The following FRMD6 variants were observed in gnomAD, a reference collection of about 807,000 sequenced individuals.
FRMD6 encodes the protein FERM domain-containing protein 6.
FRMD6 carries 37 observed loss-of-function variants against 73.2 expected under a neutral mutation model. The observed-to-expected ratio is 0.51, with a 90% CI of 0.39 to 0.66. The LOEUF (loss-of-function observed/expected upper bound fraction) is 0.66, where lower values mean the gene tolerates loss of function less well. Among genes scored for constraint, FRMD6 ranks in the 30% least tolerant of loss-of-function variants. The probability of loss-of-function intolerance (pLI) is 0.00; values close to 1 mark genes in which losing one functional copy is unlikely to be tolerated. For missense variants in FRMD6, 714 were observed against 780.5 expected, an observed-to-expected ratio of 0.91 and a Z score of 1.02; for synonymous variants, 273 against 282.2, an observed-to-expected ratio of 0.97 and a Z score of 0.33.
At chr14:51,453,453 A>G in the FRMD6 span, among the ~76,000 whole-genome samples, 70 of 152,206 alleles carry the variant, frequency 4.6e-4, no homozygotes, top group African/African-American at 1.6e-3. Flanking sequence ...AATGGTGGAC[A>G]TGAAGACACC....
At chr14:51,451,447 C>A in the FRMD6 span, among the ~76,000 whole-genome samples, 1 of 152,196 alleles carries the variant, frequency 6.6e-6, no homozygotes, top group Non-Finnish European at 1.5e-5. Context: ...GAAGTCAGCT[C>A]ACTGCAGCCT....
chr14:51,624,881 A>G (rs1891059760), intron 2 of FRMD6, among the ~76,000 whole-genome samples: 1 of 152,078 alleles, frequency 6.6e-6, no homozygotes, highest in Admixed American at 6.6e-5. Context: ...CCTGCTTAAA[A>G]CTCACTAAAA....
At chr14:51,404,736 C>T in the FRMD6 span, among the ~76,000 whole-genome samples, 1 of 152,168 alleles carries the variant, frequency 6.6e-6, no homozygotes, top group Non-Finnish European at 1.5e-5. Context: ...CTGACTCACA[C>T]TCCATTGTTT....
At chr14:51,418,075 G>C in the FRMD6 span, among the ~76,000 whole-genome samples, 5 of 152,204 alleles carry the variant, frequency 3.3e-5, no homozygotes, top group East Asian at 9.7e-4. Flanking sequence ...AAGGTTTTTA[G>C]CTTCCTTGTG....
chr14:51,420,767 CATTTT>C, the FRMD6 span, among the ~76,000 whole-genome samples: 1 of 151,838 alleles, frequency 6.6e-6, no homozygotes, highest in Non-Finnish European at 1.5e-5. Flanking sequence ...AATACGGTAC[CATTTT>C]ATTTTATTTT....
At chr14:51,578,280 A>C (rs915288831) in intron 2 of FRMD6, among the ~76,000 whole-genome samples, 5 of 152,210 alleles carry the variant, frequency 3.3e-5, no homozygotes, top group Admixed American at 3.3e-4. Context: ...CTTCCACTGA[A>C]ATATAAATAA....
chr14:51,409,397 C>G, the FRMD6 span, among the ~76,000 whole-genome samples: 1 of 120,966 alleles, frequency 8.3e-6, no homozygotes, highest in East Asian at 2.8e-4. Flanking sequence ...GATAGCTCAT[C>G]AACTATTCTA....
At chr14:51,599,058 C>CTTTTTTTTTTTTTTTTTTTTTTTTTTTT (rs59151771) in intron 2 of FRMD6, among the ~76,000 whole-genome samples, 3 of 72,800 alleles carry the variant, frequency 4.1e-5, no homozygotes, top group African/African-American at 5.5e-5. Flanking sequence ...CAGTATCTGT[C>CTTTTTTTTTTTTTTTTTTTTTTTTTTTT]TTTTTTTTTT....
chr14:51,725,630 G>A, intron 12 of FRMD6, 149 bp from the exon 13 acceptor site: 1 of 597,614 alleles, frequency 1.7e-6, no homozygotes, highest in South Asian at 1.9e-5. Flanking sequence ...TGCTGTTCTG[G>A]TTGTCTGCCA....
At position 51,692,472 on chromosome 14, in the gene FRMD6, ATGTG is replaced by A. The variant is rs10637550; in HGVS notation, c.99+2557_99+2560del. Among the ~76,000 whole-genome samples, 75 of 150,436 alleles carry A rather than the reference ATGTG, an allele frequency of 5.0e-4. No homozygotes were observed. In the South Asian group the frequency reaches 7.6e-3, roughly 15 times the overall value. ...TTCATTTGTCTTTTTACGTGGTGCA[ATGTG>A]TGTGTGTGTGTGTGTGTGTACACAC... On this transcript the variant is annotated intron_variant, in intron 2 of 13. Transcript: ENST00000344768.
At chr14:51,581,989 G>T (rs1888750999) in intron 2 of FRMD6, among the ~76,000 whole-genome samples, 1 of 152,088 alleles carries the variant, frequency 6.6e-6, no homozygotes, top group African/African-American at 2.4e-5. Flanking sequence ...TCCATTTTGA[G>T]ACAAAAAGGG....
the FRMD6 span, among the ~76,000 whole-genome samples, chr14:51,437,275 G>C: frequency 2.6e-5 from 4 of 152,136 alleles, no homozygotes; most frequent in African/African-American, 9.7e-5. Flanking sequence ...TGAGAATGAC[G>C]GTTTCCAACT....
chr14:51,659,421 C>A (rs1307027474), intron 1 of FRMD6, among the ~76,000 whole-genome samples: 6 of 152,228 alleles, frequency 3.9e-5, no homozygotes, highest in Non-Finnish European at 7.3e-5. Context: ...ATAAGCATTT[C>A]ATGAGATTTA....
chr14:51,658,664 G>A (rs28493207), intron 1 of FRMD6, among the ~76,000 whole-genome samples: 18,658 of 152,114 alleles, frequency 0.12, 1,259 homozygotes, highest in Non-Finnish European at 0.15. Flanking sequence ...GTGAAATTCT[G>A]ACGCTAAAAT....
rs139380556 is a variant in FRMD6 at position 51,709,253 on chromosome 14, C to T, written c.714+1020C>T. ...ACCTCAGGCAAGTTACTTACTTAAC[C>T]GCTCTGTACTTCAGTTTCCCCATAG... On this transcript the variant is annotated intron_variant, in intron 7 of 13. Coordinates refer to ENST00000344768, the MANE Select transcript of FRMD6 (RefSeq NM_001267046.2). Among the ~76,000 whole-genome samples the T allele has an allele frequency of 2.3e-3, 357 of 152,252 alleles. 2 individuals carry two copies. In the Middle Eastern group the frequency reaches 0.031, roughly 13 times the overall value.
chr14:51,565,929 C>G (rs1044457831), intron 1 of FRMD6, among the ~76,000 whole-genome samples: 5 of 152,176 alleles, frequency 3.3e-5, no homozygotes, highest in African/African-American at 9.7e-5. Context: ...CTTTGGGAGG[C>G]CGAGGCGGGC....
chr14:51,676,066 C>A (rs1229586706), intron 1 of FRMD6, among the ~76,000 whole-genome samples: 2 of 151,978 alleles, frequency 1.3e-5, no homozygotes, highest in African/African-American at 4.8e-5. Context: ...TGAAAAGATA[C>A]TAGATTAAGC....
At chr14:51,558,946 A>G (rs1887316184) in intron 1 of FRMD6, among the ~76,000 whole-genome samples, 1 of 152,186 alleles carries the variant, frequency 6.6e-6, no homozygotes, top group South Asian at 2.1e-4. Flanking sequence ...AGGAAACCCT[A>G]TAGCTTTGCT....
At chr14:51,498,402 C>G (rs572604228) in intron 1 of FRMD6, among the ~76,000 whole-genome samples, 89 of 139,170 alleles carry the variant, frequency 6.4e-4, no homozygotes, top group Non-Finnish European at 1.2e-3. Flanking sequence ...TTTGTGGCAG[C>G]ACTCCACTCA....
Sources: gnomAD v4.1 joint callset for allele counts (sites outside exome capture counted in the v4.1 genomes callset) on GRCh38, gnomAD v4.1.1 for gene constraint, MANE v1.5 for transcripts, NCBI Gene and HGNC (gene_info 2026-07-23, HGNC 2026-07-21) for gene names.